Variants in CCDC6 observed in about 807,000 individuals in gnomAD.
The protein encoded by CCDC6 is coiled-coil domain-containing protein 6.
Under a neutral mutation model 56.6 loss-of-function variants are expected in CCDC6, and 20 were observed. That is an observed-to-expected ratio of 0.35 (90% confidence interval 0.25 to 0.51). The LOEUF (loss-of-function observed/expected upper bound fraction) is 0.51, where lower values mean the gene tolerates loss of function less well. Ranked by LOEUF, CCDC6 falls within the 20% of genes least tolerant of loss-of-function variation. The pLI, the probability that CCDC6 is intolerant of heterozygous loss-of-function variation, is 0.95. For missense variants in CCDC6, 367 were observed against 601.1 expected (o/e 0.61, Z 4.07); for synonymous variants, 241 against 234.4 (o/e 1.03, Z -0.26).
intron 1 of CCDC6, among the ~76,000 whole-genome samples, chr10:59,874,118 A>AGCAAACACACACAC (rs142308836): frequency 6.1e-5 from 9 of 148,578 alleles, no homozygotes; most frequent in Non-Finnish European, 1.2e-4. Flanking sequence ...TTACCTAGCA[A>AGCAAACACACACAC]ACACACACAC....
At chr10:59,827,316 T>C (rs924926204) in intron 3 of CCDC6, among the ~76,000 whole-genome samples, 1 of 152,254 alleles carries the variant, frequency 6.6e-6, no homozygotes, top group Non-Finnish European at 1.5e-5. Context: ...GTGCAAAGCA[T>C]GTAAGTACCG....
chr10:59,828,265 T>C (rs1451933298), intron 3 of CCDC6, among the ~76,000 whole-genome samples: 1 of 152,196 alleles, frequency 6.6e-6, no homozygotes, highest in Non-Finnish European at 1.5e-5. Flanking sequence ...CACCAGTGTT[T>C]GTTTAGAAAG....
chr10:59,822,906 AAAAC>A (rs956104913), intron 3 of CCDC6, among the ~76,000 whole-genome samples: 3 of 151,904 alleles, frequency 2.0e-5, no homozygotes, highest in Admixed American at 1.3e-4. Context: ...TTATAAAAAA[AAAAC>A]AACCCCAGAC....
At position 59,790,873 on chromosome 10, in the gene CCDC6, G is replaced by A. The variant is rs2070461099; in HGVS notation, c.*2044C>T. The stretch of plus-strand genomic sequence containing the variant: ...CTAAATCGATAGGAAGCTGAGGGAA[G>A]ATCATTCCATTATGGACTTTCTTGT... On this transcript the variant is annotated 3_prime_UTR_variant, in exon 9 of 9. Coordinates refer to ENST00000263102, the MANE Select transcript of CCDC6 (RefSeq NM_005436.5). 4.8e-6 allele frequency: 1 copy of A among 209,550 alleles called. No homozygotes were observed. The highest frequency in any genetic ancestry group is 1.9e-4 in the South Asian group (1 of 5,310). The allele number at this position is 209,550 out of a possible 1,614,324, so 13.0% of individuals were successfully genotyped here.
At chr10:59,872,779 T>TTG (rs879391093) in intron 1 of CCDC6, among the ~76,000 whole-genome samples, 2,965 of 55,650 alleles carry the variant, frequency 0.053, 104 homozygotes, top group East Asian at 0.21. Flanking sequence ...ACTTTCCAGA[T>TTG]GGGGGGGTGG....
At chr10:59,852,796 G>C (rs2132656794) in intron 1 of CCDC6, 94 bp from the exon 2 acceptor site, 1 of 1,045,784 alleles carries the variant, frequency 9.6e-7, no homozygotes. Flanking sequence ...TTTCCAGAAA[G>C]GGTACCCATT....
rs934565526 is a variant in CCDC6, at chr10:59,876,105, G to A, written c.304-23403C>T. ...TTTTTTTTTTTTCAGATCGAGTCTC[G>A]TTCTATCATCCAGGCTCACTGCAAC... On this transcript the variant is annotated intron_variant, in intron 1 of 8. Transcript: ENST00000263102. Among the ~76,000 whole-genome samples, 9 of 91,436 alleles carry A rather than the reference G, an allele frequency of 9.8e-5. No homozygotes were observed. In the South Asian group the frequency reaches 2.1e-3, roughly 21 times the overall value. The allele number at this position is 91,436 out of a possible 152,430, so 60.0% of individuals were successfully genotyped here.
At chr10:59,871,282 A>C (rs1196058276) in intron 1 of CCDC6, among the ~76,000 whole-genome samples, 1 of 152,082 alleles carries the variant, frequency 6.6e-6, no homozygotes, top group African/African-American at 2.4e-5. Context: ...CTAATCTGTC[A>C]CACCACATTC....
intron 5 of CCDC6, among the ~76,000 whole-genome samples, chr10:59,811,033 AGCTG>A (rs1301474891): frequency 2.6e-5 from 4 of 152,168 alleles, no homozygotes; most frequent in Non-Finnish European, 5.9e-5. Flanking sequence ...CAGCCTCTAG[AGCTG>A]GAAAAGGCGA....
chr10:59,812,455 A>G (rs539119485), intron 5 of CCDC6, among the ~76,000 whole-genome samples, 180 bp downstream of exon 5: 127 of 137,266 alleles, frequency 9.3e-4, no homozygotes, highest in Non-Finnish European at 1.7e-3. Flanking sequence ...CTCCCCTACT[A>G]TAACACTCAA....
intron 2 of CCDC6, among the ~76,000 whole-genome samples, chr10:59,850,360 C>CACA (rs1564748382): frequency 1.3e-5 from 2 of 151,528 alleles, no homozygotes; most frequent in African/African-American, 4.9e-5. Context: ...TAAAATTTAC[C>CACA]ACATTAAAAT....
rs188880693 is a variant in CCDC6 at position 59,839,985 on chromosome 10, C to G, written c.454-7332G>C. 3.8e-4 allele frequency among the ~76,000 whole-genome samples: 58 copies of G among 152,246 alleles called. 1 individual carries two copies. Among genetic ancestry groups the G allele is most frequent in the African/African-American group, 1.4e-3 (57 of 41,532 alleles). Reference sequence around the variant, plus strand: ...GAATTACAGGCATGTGCCACCACACCCAGCTAATTTTTCTATTTTTAGTAG... The same window carrying G: ...GAATTACAGGCATGTGCCACCACACGCAGCTAATTTTTCTATTTTTAGTAG... On this transcript the variant is annotated intron_variant, in intron 2 of 8. Transcript: ENST00000263102.
At chr10:59,841,283 C>T (rs1226035711) in intron 2 of CCDC6, among the ~76,000 whole-genome samples, 1 of 152,218 alleles carries the variant, frequency 6.6e-6, no homozygotes, top group Non-Finnish European at 1.5e-5. Flanking sequence ...TGGCTAGCTT[C>T]TTCTCCCAGA....
At chr10:59,874,914 C>A (rs542765835) in intron 1 of CCDC6, among the ~76,000 whole-genome samples, 1 of 152,272 alleles carries the variant, frequency 6.6e-6, no homozygotes, top group South Asian at 2.1e-4. Context: ...CCCAGTGAGA[C>A]CCATATTGGA....
chr10:59,803,676 A>G (rs544322948), intron 7 of CCDC6, among the ~76,000 whole-genome samples: 3 of 152,256 alleles, frequency 2.0e-5, no homozygotes, highest in South Asian at 4.1e-4. Context: ...TGAGAGCCCC[A>G]TGCCATGCTG....
At chr10:59,902,062 C>A (rs1463992482) in intron 1 of CCDC6, among the ~76,000 whole-genome samples, 1 of 152,156 alleles carries the variant, frequency 6.6e-6, no homozygotes, top group Non-Finnish European at 1.5e-5. Context: ...AATAAAATGG[C>A]CTAGGGCAGG....
Position 59,859,199 on chromosome 10 carries a change from CGTGTGT to C in CCDC6, c.304-6503_304-6498del, listed in dbSNP as rs66648240. On this transcript the variant is annotated intron_variant, in intron 1 of 8. Coordinates refer to ENST00000263102, the MANE Select transcript of CCDC6 (RefSeq NM_005436.5). ...CTGGAAAAAAAAATACATGTGTGTG[CGTGTGT>C]GTGTGTGTGTGTGTGTGTGTGTGTG... 6.2e-3 allele frequency among the ~76,000 whole-genome samples: 846 copies of C among 137,226 alleles called. 1 individual carries two copies. Among genetic ancestry groups the C allele is most frequent in the East Asian group, 0.021 (100 of 4,736 alleles). 90.0% of individuals were successfully genotyped at this position (137,226 alleles called of 152,430 possible). A position where few individuals can be genotyped will look rare whatever the true frequency, so the allele number is the denominator to read the frequency against.
chr10:59,820,922 CACA>C (rs1452893212), intron 3 of CCDC6, among the ~76,000 whole-genome samples: 5 of 147,206 alleles, frequency 3.4e-5, no homozygotes, highest in African/African-American at 7.6e-5. Flanking sequence ...GGGGATTTAA[CACA>C]ACAACTTCCC....
At position 59,876,073 on chromosome 10, in the gene CCDC6, CT is replaced by C. The variant is rs1172379933; in HGVS notation, c.304-23372del. On this transcript the variant is annotated intron_variant, in intron 1 of 8. Coordinates refer to ENST00000263102, the MANE Select transcript of CCDC6 (RefSeq NM_005436.5). ...CATACACGAGTGCATGCACAGATGTCTTTTTTTTTTTTTTTTTTCAGATCGA... is the reference window on the plus strand; with the variant it reads ...CATACACGAGTGCATGCACAGATGTCTTTTTTTTTTTTTTTTTCAGATCGA... Among the ~76,000 whole-genome samples the C allele has an allele frequency of 8.1e-3, 793 of 97,520 alleles. 37 individuals carry two copies. Among genetic ancestry groups the C allele is most frequent in the African/African-American group, 0.024 (585 of 24,196 alleles). 64.0% of individuals were successfully genotyped at this position (97,520 alleles called of 152,430 possible).
Sources: allele counts gnomAD v4.1 joint callset (sites outside exome capture counted in the v4.1 genomes callset), GRCh38; gene constraint gnomAD v4.1.1; transcripts MANE v1.5; gene names NCBI Gene and HGNC (gene_info 2026-07-23, HGNC 2026-07-21).